Variants in PROX1 observed in about 807,000 individuals in gnomAD.
PROX1 encodes prospero homeobox protein 1.
In PROX1, 7 loss-of-function variants were observed where a neutral mutation model predicts 58.8. The ratio of observed to expected loss-of-function variants is 0.12; its 90% CI spans 0.07 to 0.22. The LOEUF (loss-of-function observed/expected upper bound fraction) is 0.22. Ranked by LOEUF, PROX1 falls within the 10% of genes least tolerant of loss-of-function variation. The pLI is 1.00. For missense variants in PROX1, 675 were observed against 927.8 expected (o/e 0.73, Z 3.54); for synonymous variants, 350 against 358.3 (o/e 0.98, Z 0.26).
intron 4 of PROX1, among the ~76,000 whole-genome samples, chr1:214,031,902 A>G (rs892709607): frequency 6.6e-6 from 1 of 152,176 alleles, no homozygotes; most frequent in Admixed American, 6.5e-5. Context: ...CCAAAAGTGT[A>G]CCTCTGGGAG....
Position 213,997,458 on chromosome 1 carries a change from T to C in PROX1, c.923T>C (p.Ile308Thr). 1.2e-6 allele frequency: 2 copies of C among 1,614,134 alleles called. No individual in the cohort carries two copies. Among genetic ancestry groups the C allele is most frequent in the Non-Finnish European group, 1.7e-6 (2 of 1,180,020 alleles). The change falls in exon 2 of 5, where the codon ATT (isoleucine) becomes ACT (threonine). Residue 308 changes from isoleucine to threonine, a missense_variant. By Grantham distance (89) the Ile-to-Thr change is moderately conservative (BLOSUM62 -1). This residue lies in a region of PROX1 where 403 missense variants were observed against 477.4 expected (regional missense o/e 0.84). Transcript: ENST00000366958. The surrounding 1 kb of genome is among the most constrained non-coding windows in gnomAD (Gnocchi z 7.1). ...TGCGAGCTAGACCCAGGACAGTTTA[T>C]TGACCGAGCTCGAGCCCTGATCAGA... ...EMCELDPGQFIDRARALIREQ... is the reference protein window; with the variant it reads ...EMCELDPGQFTDRARALIREQ...
chr1:213,999,626 T>G (rs1002380908), intron 2 of PROX1, among the ~76,000 whole-genome samples: 1 of 152,204 alleles, frequency 6.6e-6, no homozygotes, highest in Non-Finnish European at 1.5e-5. Context: ...TCTCTTATAC[T>G]GAGCAAGAGA....
intron 2 of PROX1, among the ~76,000 whole-genome samples, chr1:214,002,945 A>G (rs1484785974): frequency 1.3e-5 from 2 of 152,232 alleles, no homozygotes; most frequent in African/African-American, 4.8e-5. Context: ...GCAAGAGATA[A>G]AGATTAATTC....
At chr1:213,991,100 T>C (rs956650197) in intron 1 of PROX1, among the ~76,000 whole-genome samples, 3 of 152,176 alleles carry the variant, frequency 2.0e-5, no homozygotes, top group Admixed American at 1.3e-4. Flanking sequence ...AAAACGAGAG[T>C]ATTCACATTA....
chr1:214,016,350 T>C (rs1030877615), intron 4 of PROX1, among the ~76,000 whole-genome samples: 1 of 152,224 alleles, frequency 6.6e-6, no homozygotes, highest in Non-Finnish European at 1.5e-5. Context: ...TTATTCGCAT[T>C]GTCATCTCTT....
chr1:214,033,404 C>A (rs1426834439), intron 4 of PROX1, among the ~76,000 whole-genome samples: 1 of 152,176 alleles, frequency 6.6e-6, no homozygotes, highest in Non-Finnish European at 1.5e-5. Flanking sequence ...TGGAGACCAG[C>A]CTGGCCAACA....
At chr1:214,026,264 C>T (rs762772711) in intron 4 of PROX1, among the ~76,000 whole-genome samples, 4 of 152,150 alleles carry the variant, frequency 2.6e-5, no homozygotes, top group African/African-American at 9.7e-5. Flanking sequence ...TTTCCTAACA[C>T]GTATAATACC....
At chr1:214,005,930 C>CTGTGTGTGTATGCGTG (rs1663692342) in intron 3 of PROX1, among the ~76,000 whole-genome samples, 1 of 150,966 alleles carries the variant, frequency 6.6e-6, no homozygotes, top group Non-Finnish European at 1.5e-5. Context: ...CTGGTTCTCT[C>CTGTGTGTGTATGCGTG]TGTGTGTGTA....
rs79936119 is a variant in PROX1 at position 214,039,631 on chromosome 1, A to G, written c.*3797A>G. The G allele has an allele frequency of 1.5e-3, 222 of 152,362 alleles. 1 individual carries two copies. The highest frequency in any genetic ancestry group is 5.2e-3 in the African/African-American group (218 of 41,580). The allele number at this position is 152,362 out of a possible 1,614,324, so 9.4% of individuals were successfully genotyped here. On this transcript the variant is annotated 3_prime_UTR_variant, in exon 5 of 5. Coordinates refer to ENST00000366958, the MANE Select transcript of PROX1 (RefSeq NM_001270616.2). ...CTACAGTGACTGTATAGACAGTTGAAAGCATTCTTGAAAATCCTGCTCTCT... is the reference window on the plus strand; with the variant it reads ...CTACAGTGACTGTATAGACAGTTGAGAGCATTCTTGAAAATCCTGCTCTCT...
chr1:213,990,784 C>CTAAAGCTTATCTAAAG (rs1257212262), intron 1 of PROX1, among the ~76,000 whole-genome samples: 1 of 151,448 alleles, frequency 6.6e-6, no homozygotes, highest in Non-Finnish European at 1.5e-5. Context: ...GAAAGTGTTA[C>CTAAAGCTTATCTAAAG]TGTTGTTAAA....
intron 1 of PROX1, among the ~76,000 whole-genome samples, chr1:213,992,592 A>G (rs1270682618): frequency 1.3e-5 from 2 of 152,154 alleles, no homozygotes; most frequent in Admixed American, 1.3e-4. Flanking sequence ...TACAAAGATG[A>G]TTTTCTAAAA....
chr1:213,988,935 G>A (rs1012842359), intron 1 of PROX1, among the ~76,000 whole-genome samples: 1 of 151,870 alleles, frequency 6.6e-6, no homozygotes, highest in Non-Finnish European at 1.5e-5. Context: ...GGACCGGGTC[G>A]CTTTTTTGTT....
chr1:214,031,060 TGTGTGTGC>T (rs1425182678), intron 4 of PROX1, among the ~76,000 whole-genome samples: 1 of 151,290 alleles, frequency 6.6e-6, no homozygotes, highest in African/African-American at 2.4e-5. Context: ...TGTGTGTGTG[TGTGTGTGC>T]GCGCGCGCGC....
intron 4 of PROX1, among the ~76,000 whole-genome samples, chr1:214,028,606 C>T (rs1664538251): frequency 6.6e-6 from 1 of 152,142 alleles, no homozygotes; most frequent in Admixed American, 6.5e-5. Flanking sequence ...AATTAGGGCT[C>T]CTCTTTAAAA....
At position 214,011,752 on chromosome 1, in the gene PROX1, T is replaced by C. The variant is rs374583333; in HGVS notation, c.2028+37T>C. On this transcript the variant is annotated intron_variant, in intron 4 of 4. Transcript: ENST00000366958. ...TCTTTATTTTTTGGTCATCTCCCTT[T>C]TCCTTTTTTAAAAAATTTATTTTCT... 15 of 1,506,084 alleles carry C rather than the reference T, an allele frequency of 1.0e-5. No homozygotes were observed. In the African/African-American group the frequency reaches 2.1e-4, roughly 21 times the overall value. The allele number at this position is 1,506,084 out of a possible 1,614,324, so 93.3% of individuals were successfully genotyped here. A position where few individuals can be genotyped will look rare whatever the true frequency, so the allele number is the denominator to read the frequency against.
upstream of PROX1, chr1:213,983,831 TA>T (rs1662759867): frequency 1.3e-5 from 2 of 152,230 alleles, no homozygotes; most frequent in Non-Finnish European, 2.9e-5. Flanking sequence ...TTGGTTTTTT[TA>T]AATCACGGCC....
intron 1 of PROX1, among the ~76,000 whole-genome samples, chr1:213,990,689 TGTGTGTGTGTG>T (rs1663001829): frequency 2.0e-5 from 3 of 150,100 alleles, no homozygotes; most frequent in Admixed American, 2.0e-4. Flanking sequence ...TGTGTGTGTG[TGTGTGTGTGTG>T]TTTGTGTGTG....
chr1:213,997,527 A>G lies in PROX1; in HGVS notation c.992A>G (p.Asn331Ser), dbSNP rs747872789. The change falls in exon 2 of 5, where the codon AAC (asparagine) becomes AGC (serine). Residue 331 changes from asparagine (N) to serine (S), a missense_variant. Physicochemically the swap from Asn to Ser is conservative, Grantham distance 46 (BLOSUM62 1). Coordinates refer to ENST00000366958, the MANE Select transcript of PROX1 (RefSeq NM_001270616.2). This position sits in a 1 kb window ranked among gnomAD's most constrained non-coding sequence, Gnocchi z 7.1. Reference sequence around the variant, plus strand: ...AACAAGCCGAAGCGAGAAGGCAACAACAAAGAAAGAGACCATGGGCCAAAC... The same window carrying G: ...AACAAGCCGAAGCGAGAAGGCAACAGCAAAGAAAGAGACCATGGGCCAAAC... The part of the protein sequence containing the change: ...AENKPKREGN[N>S]KERDHGPNSL... 5.0e-6 allele frequency: 8 copies of G among 1,613,924 alleles called. No individual in the cohort carries two copies. The highest frequency in any genetic ancestry group is 6.8e-6 in the Non-Finnish European group (8 of 1,179,974).
chr1:214,022,448 G>A (rs889552901), intron 4 of PROX1, among the ~76,000 whole-genome samples: 1 of 152,190 alleles, frequency 6.6e-6, no homozygotes, highest in Non-Finnish European at 1.5e-5. Context: ...ACCCTAAATA[G>A]GAAAGTAAAC....
Sources: gnomAD v4.1 joint callset for allele counts (sites outside exome capture counted in the v4.1 genomes callset) on GRCh38, gnomAD v4.1.1 for gene constraint, gnomAD v4.1.1 regional missense constraint, Gnocchi (gnomAD v3.1) non-coding constraint, MANE v1.5 for transcripts, NCBI Gene and HGNC (gene_info 2026-07-23, HGNC 2026-07-21) for gene names.